Variants in SMG6 observed in about 807,000 individuals in gnomAD.
SMG6 encodes SMG6 nonsense mediated mRNA decay factor.
A neutral mutation model predicts 142.2 loss-of-function variants in SMG6; 66 were observed. The observed-to-expected ratio is 0.46, with a 90% confidence interval of 0.38 to 0.57. The LOEUF (loss-of-function observed/expected upper bound fraction) is 0.57. SMG6 is among the 20% of genes least tolerant of loss of function. The pLI is 0.00. For missense variants in SMG6, 1,793 were observed against 1,832.0 expected (o/e 0.98, Z 0.39); for synonymous variants, 779 against 702.4 (o/e 1.11, Z -1.72).
Position 2,297,237 on chromosome 17 carries a change from G to A in SMG6, c.2151+6C>T, listed in dbSNP as rs372916330. ...AAATTTAAGATACATAAAGAAGGTA[G>A]CTTACTGTCTTGCGTAATGGCTTGC... On this transcript the variant is annotated splice_donor_region_variant and intron_variant, in intron 4 of 18. Coordinates refer to ENST00000263073, the MANE Select transcript of SMG6 (RefSeq NM_017575.5). The A allele has an allele frequency of 1.1e-5, 17 of 1,579,654 alleles. No individual in the cohort carries two copies. Among genetic ancestry groups the A allele is most frequent in the Admixed American group, 1.9e-5 (1 of 52,968 alleles).
chr17:2,244,354 TAAGCCGG>T (rs2073881829), intron 9 of SMG6, among the ~76,000 whole-genome samples: 1 of 152,074 alleles, frequency 6.6e-6, no homozygotes, highest in Non-Finnish European at 1.5e-5. Flanking sequence ...ACTAGGGACC[TAAGCCGG>T]AAGGCAGAGG....
chr17:2,130,865 G>A (rs571238197), intron 13 of SMG6, among the ~76,000 whole-genome samples: 186 of 152,130 alleles, frequency 1.2e-3, no homozygotes, highest in Non-Finnish European at 2.3e-3. Context: ...TTAGCTGGGC[G>A]TGGTGGCAGG....
intron 13 of SMG6, among the ~76,000 whole-genome samples, chr17:2,110,504 T>A (rs1297723270): frequency 1.3e-5 from 2 of 152,154 alleles, no homozygotes; most frequent in Non-Finnish European, 2.9e-5. Context: ...ATTTTAAAGA[T>A]AATCAACATC....
intron 4 of SMG6, among the ~76,000 whole-genome samples, chr17:2,296,575 C>T (rs943052260): frequency 2.6e-5 from 4 of 152,220 alleles, no homozygotes; most frequent in Non-Finnish European, 5.9e-5. Context: ...CACAGGTGCG[C>T]AAACCCTATT....
chr17:2,270,034 G>A (rs1041675210), intron 8 of SMG6, among the ~76,000 whole-genome samples: 3 of 151,654 alleles, frequency 2.0e-5, no homozygotes, highest in South Asian at 2.1e-4. Flanking sequence ...GTCTCAAAAC[G>A]AAAAAAACAA....
chr17:2,156,076 A>G (rs1176665442), intron 13 of SMG6, among the ~76,000 whole-genome samples: 1 of 143,844 alleles, frequency 7.0e-6, no homozygotes, highest in Non-Finnish European at 1.5e-5. Context: ...ACAAATGTCA[A>G]TTTCAGGGGC....
In SMG6 at chr17:2,245,019, C is replaced by A. The variant is rs1262867271; in HGVS notation, c.2662-300G>T. 8.8e-6 allele frequency: 3 copies of A among 339,172 alleles called. 1 individual carries two copies. The South Asian group carries it at 1.8e-4, about 20-fold the overall frequency. 21.0% of individuals were successfully genotyped at this position (339,172 alleles called of 1,614,324 possible). ...ATAAGCAGGATATAAAGAAAGGTGC[C>A]CACAGCTCTCTGAGGATCTAGGAGC... On this transcript the variant is annotated intron_variant, in intron 8 of 18. Transcript: ENST00000263073.
rs937476915 is a variant in SMG6, at chr17:2,071,141, T to C, written c.3682-2210A>G. Among the ~76,000 whole-genome samples, 2 of 151,768 alleles carry C rather than the reference T, an allele frequency of 1.3e-5. No homozygotes were observed. The highest frequency in any genetic ancestry group is 4.8e-5 in the African/African-American group (2 of 41,286). On this transcript the variant is annotated intron_variant, in intron 15 of 18. Transcript: ENST00000263073. This position sits in a 1 kb window ranked among gnomAD's most constrained non-coding sequence, Gnocchi z 5.6. ...CAGCTGGAGTGACAGGGGCTGGGGGTCCGGCTCTGCACTGCGCCTCTGCCT... is the reference window on the plus strand; with the variant it reads ...CAGCTGGAGTGACAGGGGCTGGGGGCCCGGCTCTGCACTGCGCCTCTGCCT...
At chr17:2,120,758 G>T (rs2069663786) in intron 13 of SMG6, among the ~76,000 whole-genome samples, 1 of 152,270 alleles carries the variant, frequency 6.6e-6, no homozygotes, top group South Asian at 2.1e-4. Flanking sequence ...TTAGTCATCA[G>T]GGAGATACAA....
At chr17:2,212,815 C>T (rs138212676) in intron 10 of SMG6, 1 of 152,380 alleles carries the variant, frequency 6.6e-6, no homozygotes, top group African/African-American at 2.4e-5. Context: ...AGCGGGAAGG[C>T]CAGTCCACAC....
chr17:2,250,002 C>T (rs976725569), intron 8 of SMG6, among the ~76,000 whole-genome samples: 1 of 152,186 alleles, frequency 6.6e-6, no homozygotes, highest in Non-Finnish European at 1.5e-5. Flanking sequence ...CTACCACTGA[C>T]ATTACCTAAT....
At chr17:2,236,944 A>C (rs2073677822) in intron 9 of SMG6, 1 of 668,536 alleles carries the variant, frequency 1.5e-6, no homozygotes, top group East Asian at 8.3e-5. Flanking sequence ...AACTGTGTTC[A>C]AGCTAATATC....
intron 6 of SMG6, among the ~76,000 whole-genome samples, chr17:2,285,673 C>G (rs986336935): frequency 2.0e-5 from 3 of 147,336 alleles, no homozygotes; most frequent in Non-Finnish European, 4.5e-5. Context: ...ACCCTCTTTT[C>G]TTTTTTTTTT....
At position 2,300,584 on chromosome 17, in the gene SMG6, A is replaced by G. The variant is rs972946651; in HGVS notation, c.169T>C (p.Ser57Pro). Residue 57 changes from serine to proline, a missense_variant, in exon 2 of 19, where the codon TCT becomes CCT. This residue lies in a region of SMG6 where 1,597 missense variants were observed against 1,584.6 expected (regional missense o/e 1.01). Coordinates refer to ENST00000263073, the MANE Select transcript of SMG6 (RefSeq NM_017575.5). The stretch of plus-strand genomic sequence containing the variant: ...ATTTTGGGCTTGTTCCTTAGCCGAG[A>G]AAGGCCAGGCTTATAGATTTCCAGA... ...PDLEIYKPGL[S>P]RLRNKPKIKE... The G allele has an allele frequency of 2.5e-6, 4 of 1,613,892 alleles. No individual in the cohort carries two copies. The highest frequency in any genetic ancestry group is 3.4e-6 in the Non-Finnish European group (4 of 1,179,924).
At chr17:2,237,407 A>G in intron 9 of SMG6, 1 of 607,376 alleles carries the variant, frequency 1.6e-6, no homozygotes, top group Non-Finnish European at 2.1e-6. Flanking sequence ...AGGTAACCAG[A>G]CATAGTTCTG....
At chr17:2,110,414 C>T (rs531129416) in intron 13 of SMG6, among the ~76,000 whole-genome samples, 1 of 152,286 alleles carries the variant, frequency 6.6e-6, no homozygotes. Flanking sequence ...TGATTAACTA[C>T]GAGCTCTCTC....
intron 10 of SMG6, among the ~76,000 whole-genome samples, chr17:2,225,980 T>A (rs2073304215): frequency 6.6e-6 from 1 of 152,156 alleles, no homozygotes; most frequent in South Asian, 2.1e-4. Context: ...GAGAGAACTC[T>A]TAAGACGTAA....
At position 2,085,873 on chromosome 17, in the gene SMG6, G is replaced by A; in HGVS notation, c.3386C>T (p.Thr1129Ile). The A allele has an allele frequency of 1.2e-6, 2 of 1,614,166 alleles. No individual in the cohort carries two copies. Among genetic ancestry groups the A allele is most frequent in the Non-Finnish European group, 1.7e-6 (2 of 1,180,024 alleles). The change falls in exon 14 of 19, where the codon ACA (threonine) becomes ATA (isoleucine). Residue 1129 changes from threonine to isoleucine, a missense_variant. Thr to Ile is a moderately conservative substitution (Grantham distance 89, BLOSUM62 -1). Transcript: ENST00000263073. This position sits in a 1 kb window ranked among gnomAD's most constrained non-coding sequence, Gnocchi z 4.1. ...GGCTTCCAGAAAATACTTCAGCACT[G>A]TGACCCTTTTGCAGTCAGCTGCAAT... ...KVIAADCKRV[T>I]VLKYFLEALC... is the part of the protein sequence containing the mutation.
Position 2,217,834 on chromosome 17 carries a change from C to A in SMG6, c.2869+18658G>T, listed in dbSNP as rs567202611. Among the ~76,000 whole-genome samples the A allele has an allele frequency of 3.2e-4, 49 of 151,496 alleles. No homozygotes were observed. In the South Asian group the frequency reaches 0.01, roughly 31 times the overall value. ...GACGATCCTGGCCAACATGGTGAAACCCCGTCTCTACTAAAAATAAAAAAA... is the reference window on the plus strand; with the variant it reads ...GACGATCCTGGCCAACATGGTGAAAACCCGTCTCTACTAAAAATAAAAAAA... On this transcript the variant is annotated intron_variant, in intron 10 of 18. Coordinates refer to ENST00000263073, the MANE Select transcript of SMG6 (RefSeq NM_017575.5).
Sources: gnomAD v4.1 joint callset for allele counts (sites outside exome capture counted in the v4.1 genomes callset) on GRCh38, gnomAD v4.1.1 for gene constraint, gnomAD v4.1.1 regional missense constraint, Gnocchi (gnomAD v3.1) non-coding constraint, MANE v1.5 for transcripts, NCBI Gene and HGNC (gene_info 2026-07-23, HGNC 2026-07-21) for gene names.